OPTN: variants seen among roughly 807,000 people sequenced by gnomAD.
OPTN encodes the protein optineurin.
A neutral mutation model predicts 70.4 loss-of-function variants in OPTN; 54 were observed. The observed-to-expected ratio is 0.77, with a 90% CI of 0.62 to 0.96. The LOEUF (loss-of-function observed/expected upper bound fraction) is 0.96, where lower values mean the gene tolerates loss of function less well. Ranked by LOEUF, OPTN falls within the 40% of genes least tolerant of loss-of-function variation. The pLI, the probability that OPTN is intolerant of heterozygous loss-of-function variation, is 0.00. For missense variants in OPTN, 624 were observed against 673.2 expected (o/e 0.93, Z 0.81); for synonymous variants, 256 against 248.5 (o/e 1.03, Z -0.28).
chr10:13,112,728 C>T, intron 5 of OPTN, 93 bp downstream of exon 5: 1 of 1,278,126 alleles, frequency 7.8e-7, no homozygotes, highest in Non-Finnish European at 1.1e-6. Flanking sequence ...CAACACAAGC[C>T]AAGGATTGAG....
chr10:13,107,156 C>T (rs542248819), intron 1 of OPTN, among the ~76,000 whole-genome samples: 6 of 151,990 alleles, frequency 3.9e-5, no homozygotes, highest in Non-Finnish European at 8.8e-5. Context: ...CAGCAGATCA[C>T]CTGAAGTCAG....
intron 5 of OPTN, among the ~76,000 whole-genome samples, chr10:13,114,192 A>T (rs1156982077): frequency 6.6e-6 from 1 of 152,198 alleles, no homozygotes; most frequent in African/African-American, 2.4e-5. Context: ...TATATCTGAA[A>T]TATGAATGTC....
In OPTN at chr10:13,127,881, C is replaced by G; in HGVS notation, c.1379C>G (p.Thr460Ser). 3 of 1,614,132 alleles carry G rather than the reference C, an allele frequency of 1.9e-6. No homozygotes were observed. The highest frequency in any genetic ancestry group is 2.5e-6 in the Non-Finnish European group (3 of 1,180,038). The change falls in exon 12 of 15, where the codon ACC becomes AGC. Residue 460 changes from threonine to serine, a missense_variant. Physicochemically the swap from Thr to Ser is moderately conservative, Grantham distance 58. Coordinates refer to ENST00000378747, the MANE Select transcript of OPTN (RefSeq NM_001008212.2). ...TIAKQEEDLETMTILRAQMEV... is the reference protein window; with the variant it reads ...TIAKQEEDLESMTILRAQMEV... ...GCCAAGCAGGAAGAGGACCTGGAAA[C>G]CATGACCATCCTCAGGGCTCAGGTG...
chr10:13,109,194 C>T lies in OPTN; in HGVS notation c.72C>T (p.Pro24=), dbSNP rs757085115. 1 of 1,614,028 alleles carries T rather than the reference C, an allele frequency of 6.2e-7. No individual in the cohort carries two copies. Among genetic ancestry groups the T allele is most frequent in the Admixed American group, 1.7e-5 (1 of 60,014 alleles). The change falls in exon 3 of 15, where the codon CCC becomes CCT. Residue 24 remains proline, a synonymous_variant. Coordinates refer to ENST00000378747, the MANE Select transcript of OPTN (RefSeq NM_001008212.2). ...CCAGTGAAAGCACAGGAAATGGACC[C>T]CCCCACCTGGCCCACCCAAACCTGG... The part of the protein sequence containing the change: ...DSPSESTGNG[P]PHLAHPNLDT...
rs1833410378 is a variant in OPTN at position 13,124,128 on chromosome 10, A to G, written c.998+18A>G. On this transcript the variant is annotated intron_variant, in intron 9 of 14. Transcript: ENST00000378747. ...CAAGAAAAGTAAGAATGAGAGAGCA[A>G]TTTTATCCTCCTTTGAAATATACAT... The G allele has an allele frequency of 2.9e-6, 4 of 1,370,516 alleles. No individual in the cohort carries two copies. Among genetic ancestry groups the G allele is most frequent in the Non-Finnish European group, 4.2e-6 (4 of 961,552 alleles). The allele number at this position is 1,370,516 out of a possible 1,614,324, so 84.9% of individuals were successfully genotyped here. A position where few individuals can be genotyped will look rare whatever the true frequency, so the allele number is the denominator to read the frequency against.
chr10:13,110,401 G>A lies in OPTN; in HGVS notation c.294G>A (p.Met98Ile). 6.2e-7 allele frequency: 1 copy of A among 1,614,098 alleles called. No homozygotes were observed. The highest frequency in any genetic ancestry group is 8.5e-7 in the Non-Finnish European group (1 of 1,179,996). ...GCAAAGAAGCAAAAGAGCGTCTAAT[G>A]GCCTTGAGTCATGAGAATGAGAAAT... is the stretch of plus-strand genomic sequence containing the variant. The part of the protein sequence containing the change: ...IQSKEAKERL[M>I]ALSHENEKLK... Residue 98 changes from methionine (M) to isoleucine (I), a missense_variant, in exon 4 of 15, where the codon ATG (methionine) becomes ATA (isoleucine). By Grantham distance (10) the Met-to-Ile change is conservative. Transcript: ENST00000378747.
At chr10:13,115,658 C>T (rs1377353212) in intron 5 of OPTN, among the ~76,000 whole-genome samples, 3 of 136,812 alleles carry the variant, frequency 2.2e-5, no homozygotes, top group Non-Finnish European at 4.6e-5. Flanking sequence ...TATATTTATA[C>T]GTATATACCT....
At chr10:13,124,175 A>T (rs1248372805) in intron 9 of OPTN, 65 bp downstream of exon 9, 8 of 895,070 alleles carry the variant, frequency 8.9e-6, no homozygotes, top group Admixed American at 2.2e-5. Flanking sequence ...ATACTACTAT[A>T]TAAAAACATA....
intron 1 of OPTN, among the ~76,000 whole-genome samples, chr10:13,103,127 T>A (rs1832785942): frequency 6.6e-6 from 1 of 151,982 alleles, no homozygotes; most frequent in Non-Finnish European, 1.5e-5. Flanking sequence ...AGTCACAATA[T>A]CCCTTCTAGT....
intron 1 of OPTN, among the ~76,000 whole-genome samples, chr10:13,103,766 A>ACG (rs1338369509): frequency 3.3e-5 from 5 of 152,038 alleles, no homozygotes; most frequent in African/African-American, 1.2e-4. Context: ...ACACACACAC[A>ACG]CAATCAGGAA....
At chr10:13,117,533 C>T (rs1833247216) in intron 6 of OPTN, among the ~76,000 whole-genome samples, 1 of 146,062 alleles carries the variant, frequency 6.8e-6, no homozygotes, top group African/African-American at 2.5e-5. Context: ...GCAACGTCTG[C>T]CTCCCGGGTA....
chr10:13,109,853 A>AAAAAAAAAAAG (rs1554768326), intron 3 of OPTN, among the ~76,000 whole-genome samples: 1 of 139,268 alleles, frequency 7.2e-6, no homozygotes, highest in Non-Finnish European at 1.5e-5. Flanking sequence ...AAAAAAAAAA[A>AAAAAAAAAAAG]GGAAAAAGGA....
chr10:13,115,092 T>A (rs1200171133), intron 5 of OPTN, among the ~76,000 whole-genome samples: 2 of 80,300 alleles, frequency 2.5e-5, no homozygotes, highest in African/African-American at 5.4e-5. Flanking sequence ...GATATATCTA[T>A]TTTATATATT....
At chr10:13,119,122 C>A (rs1307960975) in intron 7 of OPTN, 82 bp downstream of exon 7, 2 of 1,241,472 alleles carry the variant, frequency 1.6e-6, no homozygotes, top group Non-Finnish European at 2.3e-6. Flanking sequence ...ACAGTTCACC[C>A]ATTTAAAGTA....
At chr10:13,136,634 G>C in intron 14 of OPTN, 111 bp from the exon 15 acceptor site, 1 of 1,278,346 alleles carries the variant, frequency 7.8e-7, no homozygotes. Context: ...GTCCCACTAC[G>C]TGTTGAATAC....
At chr10:13,120,906 G>A (rs368693578) in intron 7 of OPTN, among the ~76,000 whole-genome samples, 18 of 152,168 alleles carry the variant, frequency 1.2e-4, no homozygotes, top group East Asian at 7.7e-4. Context: ...AAATCCTGGC[G>A]GAAAGCGAAG....
chr10:13,133,671 G>T, intron 14 of OPTN, 90 bp downstream of exon 14: 1 of 1,207,998 alleles, frequency 8.3e-7, no homozygotes, highest in Non-Finnish European at 1.2e-6. Flanking sequence ...CTCTACAATG[G>T]ATTCCAAATC....
At chr10:13,125,832 TA>T in intron 10 of OPTN, 113 bp from the exon 11 acceptor site, 1 of 851,654 alleles carries the variant, frequency 1.2e-6, no homozygotes, top group Non-Finnish European at 1.9e-6. Context: ...CGTGGGGTGA[TA>T]AAGGTAGGCG....
intron 14 of OPTN, among the ~76,000 whole-genome samples, chr10:13,133,842 T>C (rs1196489094): frequency 1.3e-5 from 2 of 152,168 alleles, no homozygotes; most frequent in Non-Finnish European, 2.9e-5. Flanking sequence ...AGAATTTCGC[T>C]GTGTCGTCCA....
Sources: gnomAD v4.1 joint callset for allele counts (sites outside exome capture counted in the v4.1 genomes callset) on GRCh38, gnomAD v4.1.1 for gene constraint, MANE v1.5 for transcripts, NCBI Gene and HGNC (gene_info 2026-07-23, HGNC 2026-07-21) for gene names.